The following PTPN11 variants were observed in gnomAD, a reference collection of about 807,000 sequenced individuals.
The protein encoded by PTPN11 is protein tyrosine phosphatase non-receptor type 11, also known as tyrosine-protein phosphatase non-receptor type 11.
In PTPN11, 6 loss-of-function variants were observed where a neutral mutation model predicts 78.8. The ratio of observed to expected loss-of-function variants is 0.08; its 90% CI spans 0.04 to 0.15. The LOEUF (loss-of-function observed/expected upper bound fraction) is 0.15. Ranked by LOEUF, PTPN11 falls within the 10% of genes least tolerant of loss-of-function variation. PTPN11 has a pLI of 1.00. For missense variants in PTPN11, 386 were observed against 744.8 expected, an observed-to-expected ratio of 0.52 and a Z score of 5.61; for synonymous variants, 221 against 263.5, an observed-to-expected ratio of 0.84 and a Z score of 1.56.
chr12:112,486,665 G>T (rs772831707), intron 11 of PTPN11, 36 bp downstream of exon 11: 1 of 1,610,158 alleles, frequency 6.2e-7, no homozygotes, highest in African/African-American at 1.3e-5. Context: ...GCCACAGCCT[G>T]TCCCTGTCTC....
At chr12:112,502,123 G>A in intron 13 of PTPN11, 21 bp from the exon 14 acceptor site, 2 of 1,557,806 alleles carry the variant, frequency 1.3e-6, no homozygotes, top group South Asian at 1.1e-5. Flanking sequence ...TCCCTCACAT[G>A]TGCACTCTTC....
intron 7 of PTPN11, among the ~76,000 whole-genome samples, chr12:112,477,000 A>G (rs547091728): frequency 6.6e-6 from 1 of 151,520 alleles, no homozygotes. Flanking sequence ...GTATACTTCA[A>G]TCTTCTTTTT....
Position 112,486,459 on chromosome 12 carries a change from C to T in PTPN11, c.1225-16C>T, listed in dbSNP as rs2135912078. On this transcript the variant is annotated splice_polypyrimidine_tract_variant and intron_variant, in intron 10 of 15. Coordinates refer to ENST00000351677, the MANE Select transcript of PTPN11 (RefSeq NM_002834.5). ...TTTATTTAATTCTTTTCTGGTTTTTCTTGGCTCTACTCCAGGGGAATACGG... is the reference window on the plus strand; with the variant it reads ...TTTATTTAATTCTTTTCTGGTTTTTTTTGGCTCTACTCCAGGGGAATACGG... 1 of 1,609,388 alleles carries T rather than the reference C, an allele frequency of 6.2e-7. No homozygotes were observed. The highest frequency in any genetic ancestry group is 1.3e-5 in the African/African-American group (1 of 74,956).
intron 6 of PTPN11, among the ~76,000 whole-genome samples, chr12:112,457,113 A>G (rs530057183): frequency 2.0e-5 from 3 of 152,220 alleles, no homozygotes; most frequent in East Asian, 1.9e-4. Flanking sequence ...TGCATCAGTG[A>G]AAAAGTGATG....
At chr12:112,487,229 G>T (rs1311188527) in intron 11 of PTPN11, among the ~76,000 whole-genome samples, 1 of 151,692 alleles carries the variant, frequency 6.6e-6, no homozygotes, top group African/African-American at 2.4e-5. Context: ...CCGCCTCCCG[G>T]GTTCAGGCCA....
rs2135916631 is a variant in PTPN11, at chr12:112,489,134, C to G, written c.1558C>G (p.His520Asp). ...QYRFIYMAVQHYIETLQRRIE... is the reference protein window; with the variant it reads ...QYRFIYMAVQDYIETLQRRIE... ...CCGATTTATCTATATGGCGGTCCAG[C>G]ATTATATTGAAACACTACAGCGCAG... The change falls in exon 13 of 16, where the codon CAT becomes GAT. Residue 520 changes from histidine (H) to aspartate (D), a missense_variant. His to Asp is a moderately conservative substitution (Grantham distance 81, BLOSUM62 -1). Coordinates refer to ENST00000351677, the MANE Select transcript of PTPN11 (RefSeq NM_002834.5). 6.2e-7 allele frequency: 1 copy of G among 1,614,146 alleles called. No homozygotes were observed. Among genetic ancestry groups the G allele is most frequent in the Non-Finnish European group, 8.5e-7 (1 of 1,180,044 alleles).
At chr12:112,454,772 A>G in intron 5 of PTPN11, 92 bp downstream of exon 5, 1 of 830,838 alleles carries the variant, frequency 1.2e-6, no homozygotes, top group Non-Finnish European at 2.0e-6. Context: ...TAGACAGAAT[A>G]GTATCATCAG....
chr12:112,504,822 G>C lies in PTPN11; in HGVS notation c.*32+26G>C. On this transcript the variant is annotated intron_variant, in intron 15 of 15. Transcript: ENST00000351677. The surrounding 1 kb of genome is among the most constrained non-coding windows in gnomAD (Gnocchi z 4.7). ...GTATTTAAATGCAAGTGCTCTATTGGTTAATTGTTTATATAATTGGCAGTA... is the reference window on the plus strand; with the variant it reads ...GTATTTAAATGCAAGTGCTCTATTGCTTAATTGTTTATATAATTGGCAGTA... 7.3e-7 allele frequency: 1 copy of C among 1,366,826 alleles called. No individual in the cohort carries two copies. The highest frequency in any genetic ancestry group is 1.0e-6 in the Non-Finnish European group (1 of 960,920). The allele number at this position is 1,366,826 out of a possible 1,614,324, so 84.7% of individuals were successfully genotyped here.
chr12:112,485,673 A>G (rs1443964015), intron 10 of PTPN11, among the ~76,000 whole-genome samples: 1 of 152,034 alleles, frequency 6.6e-6, no homozygotes, highest in East Asian at 1.9e-4. Context: ...CATTAAATAT[A>G]AGTTTAAAAT....
At chr12:112,472,913 C>T (rs781016088) in intron 6 of PTPN11, 31 bp from the exon 7 acceptor site, 22 of 1,508,566 alleles carry the variant, frequency 1.5e-5, no homozygotes, top group African/African-American at 2.7e-5. Context: ...CTCTTTGACA[C>T]GTAATAATAT....
rs368584935 is a variant in PTPN11 at position 112,489,207 on chromosome 12, C to T, written c.1599+32C>T. ...GCCTGAGGGCTGGCATGCGGATTCT[C>T]ATTCTCTTGCTAGGCCTCTTGGATA... On this transcript the variant is annotated intron_variant, in intron 13 of 15. Transcript: ENST00000351677. 5.6e-6 allele frequency: 9 copies of T among 1,613,220 alleles called. No individual in the cohort carries two copies. In the African/African-American group the frequency reaches 9.3e-5, roughly 17 times the overall value.
At chr12:112,424,854 CAT>C (rs1251784120) in intron 1 of PTPN11, among the ~76,000 whole-genome samples, 19 of 148,360 alleles carry the variant, frequency 1.3e-4, no homozygotes, top group Admixed American at 1.1e-3. Flanking sequence ...CACACGCCAC[CAT>C]GTCAGGCTAA....
At chr12:112,446,777 A>G (rs1191618944) in intron 2 of PTPN11, among the ~76,000 whole-genome samples, 1 of 151,074 alleles carries the variant, frequency 6.6e-6, no homozygotes, top group African/African-American at 2.4e-5. Context: ...GGATCTTCCA[A>G]TGTTGGCCAG....
At chr12:112,452,935 A>T (rs1486934629) in intron 3 of PTPN11, among the ~76,000 whole-genome samples, 1 of 152,174 alleles carries the variant, frequency 6.6e-6, no homozygotes, top group African/African-American at 2.4e-5. Flanking sequence ...AAAAAAAAAC[A>T]GGAAAGATTG....
intron 6 of PTPN11, among the ~76,000 whole-genome samples, chr12:112,460,752 G>A (rs1045113553): frequency 3.3e-5 from 5 of 152,298 alleles, no homozygotes; most frequent in African/African-American, 9.6e-5. Flanking sequence ...TGAGGCAGGA[G>A]AATCGCTTGA....
At chr12:112,500,252 A>G (rs1244377109) in intron 13 of PTPN11, among the ~76,000 whole-genome samples, 3 of 152,176 alleles carry the variant, frequency 2.0e-5, no homozygotes, top group East Asian at 1.9e-4. Context: ...CAAAAACAAC[A>G]ACAACAAAAA....
chr12:112,452,307 A>C (rs986382900), intron 3 of PTPN11, among the ~76,000 whole-genome samples: 1 of 150,952 alleles, frequency 6.6e-6, no homozygotes, highest in Non-Finnish European at 1.5e-5. Context: ...GCTCACTGCA[A>C]CCTCCGCCTC....
intron 9 of PTPN11, 32 bp downstream of exon 9, chr12:112,478,047 T>G (rs748360678): frequency 1.9e-6 from 3 of 1,612,156 alleles, no homozygotes; most frequent in South Asian, 1.1e-5. Context: ...TCTGCTAAAC[T>G]GTTTTTAAAG....
chr12:112,449,859 A>T (rs980877499), intron 2 of PTPN11, among the ~76,000 whole-genome samples: 2 of 152,044 alleles, frequency 1.3e-5, no homozygotes, highest in African/African-American at 4.8e-5. Flanking sequence ...TGTGGTTAGG[A>T]GTTTCAGACC....
Sources: gnomAD v4.1 joint callset for allele counts (sites outside exome capture counted in the v4.1 genomes callset) on GRCh38, gnomAD v4.1.1 for gene constraint, Gnocchi (gnomAD v3.1) non-coding constraint, MANE v1.5 for transcripts, NCBI Gene and HGNC (gene_info 2026-07-23, HGNC 2026-07-21) for gene names.